The following ROBO2 variants were observed in gnomAD, a reference collection of about 807,000 sequenced individuals.
ROBO2 encodes the protein roundabout homolog 2.
In ROBO2, 53 loss-of-function variants were observed where a neutral mutation model predicts 160.8. That is an observed-to-expected ratio of 0.33 (90% CI 0.26 to 0.41). ROBO2 has a LOEUF of 0.41. Ranked by LOEUF, ROBO2 falls within the 10% of genes least tolerant of loss-of-function variation. The pLI, the probability that ROBO2 is intolerant of heterozygous loss-of-function variation, is 1.00. For missense variants in ROBO2, 1,577 were observed against 1,722.4 expected, an observed-to-expected ratio of 0.92 and a Z score of 1.49; for synonymous variants, 664 against 611.7, an observed-to-expected ratio of 1.09 and a Z score of -1.26.
chr3:77,398,634 TGTAATG>T, intron 2 of ROBO2, among the ~76,000 whole-genome samples: 1 of 152,098 alleles, frequency 6.6e-6, no homozygotes, highest in East Asian at 1.9e-4. Context: ...CTGGCTGGAG[TGTAATG>T]GCATGATCAT....
chr3:76,695,397 C>T (rs1478205916), intron 2 of ROBO2, among the ~76,000 whole-genome samples: 3 of 151,922 alleles, frequency 2.0e-5, no homozygotes, highest in Non-Finnish European at 2.9e-5. Flanking sequence ...ATTATTACTA[C>T]CTTTGAAATT....
intron 2 of ROBO2, among the ~76,000 whole-genome samples, chr3:76,160,849 C>T (rs1053929821): frequency 2.0e-5 from 3 of 152,162 alleles, no homozygotes; most frequent in African/African-American, 7.2e-5. Flanking sequence ...AGAGATTTCT[C>T]GTGAAATTCA....
chr3:76,072,806 C>T (rs1053794132), intron 2 of ROBO2, among the ~76,000 whole-genome samples: 4 of 152,150 alleles, frequency 2.6e-5, no homozygotes, highest in African/African-American at 4.8e-5. Flanking sequence ...CACGAAACCC[C>T]AGTGCAGGAA....
intron 2 of ROBO2, among the ~76,000 whole-genome samples, chr3:76,167,685 T>A (rs2072888797): frequency 6.6e-6 from 1 of 152,232 alleles, no homozygotes; most frequent in South Asian, 2.1e-4. Context: ...TCTTCTCCTT[T>A]TATTATAGTA....
intron 2 of ROBO2, among the ~76,000 whole-genome samples, chr3:76,614,516 T>C (rs1349703578): frequency 1.3e-5 from 2 of 152,126 alleles, no homozygotes; most frequent in East Asian, 3.8e-4. Context: ...TTTTTTTTAA[T>C]TTTTATGAAC....
intron 1 of ROBO2, among the ~76,000 whole-genome samples, chr3:77,091,251 C>T (rs1436715288): frequency 2.0e-5 from 3 of 152,116 alleles, no homozygotes; most frequent in African/African-American, 7.2e-5. Context: ...CATTTTCCTC[C>T]TTTATTATAC....
At chr3:76,918,203 C>T (rs1156814101) in intron 2 of ROBO2, among the ~76,000 whole-genome samples, 1 of 152,204 alleles carries the variant, frequency 6.6e-6, no homozygotes, top group Non-Finnish European at 1.5e-5. Context: ...GGTGGGACCA[C>T]GTGCCGGTCA....
chr3:76,833,323 A>C (rs1197007921), intron 2 of ROBO2, among the ~76,000 whole-genome samples: 1 of 152,188 alleles, frequency 6.6e-6, no homozygotes, highest in Non-Finnish European at 1.5e-5. Flanking sequence ...TGGTGGCATC[A>C]CATGCGTAGC....
At chr3:77,357,995 A>T (rs28489786) in intron 2 of ROBO2, among the ~76,000 whole-genome samples, 12 of 152,094 alleles carry the variant, frequency 7.9e-5, no homozygotes, top group Middle Eastern at 3.4e-3. Context: ...CTTCTCAGGA[A>T]GATCCTGTTT....
chr3:77,086,992 A>G (rs2069410703), intron 1 of ROBO2, among the ~76,000 whole-genome samples: 1 of 152,186 alleles, frequency 6.6e-6, no homozygotes, highest in Non-Finnish European at 1.5e-5. Context: ...TATTTAACAA[A>G]GCTTAGCACA....
intron 2 of ROBO2, among the ~76,000 whole-genome samples, chr3:76,873,788 A>G (rs1402955578): frequency 3.3e-5 from 5 of 152,134 alleles, no homozygotes; most frequent in Non-Finnish European, 5.9e-5. Flanking sequence ...AAATTTGCTC[A>G]TTTGACAGAA....
intron 2 of ROBO2, among the ~76,000 whole-genome samples, chr3:77,231,363 C>CAAAAAAAA: frequency 1.7e-5 from 1 of 59,654 alleles, no homozygotes; most frequent in Non-Finnish European, 3.0e-5. Context: ...AGACTCCATC[C>CAAAAAAAA]AAAAAAAAAA....
At chr3:76,872,144 T>G (rs2072167683) in intron 2 of ROBO2, among the ~76,000 whole-genome samples, 1 of 152,166 alleles carries the variant, frequency 6.6e-6, no homozygotes, top group African/African-American at 2.4e-5. Context: ...AACCCCAAAA[T>G]AGTAATTATC....
chr3:76,752,887 G>A lies in ROBO2; in HGVS notation c.110-345127G>A, dbSNP rs1312284421. On this transcript the variant is annotated intron_variant, in intron 2 of 26. Transcript: ENST00000487694. ...TCTAAGTAGCATATGAGAGGATTGT[G>A]ATTACACAGAACATATTTTGCAAAA... Among the ~76,000 whole-genome samples, 10 of 151,760 alleles carry A rather than the reference G, an allele frequency of 6.6e-5. No homozygotes were observed. In the Admixed American group the frequency reaches 6.6e-4, roughly 10 times the overall value.
chr3:77,595,667 C>T (rs1364806769), intron 18 of ROBO2, among the ~76,000 whole-genome samples: 1 of 152,162 alleles, frequency 6.6e-6, no homozygotes, highest in East Asian at 1.9e-4. Context: ...CATATATCCT[C>T]ATCTATTTTC....
At chr3:76,250,667 T>A (rs1705937064) in intron 2 of ROBO2, among the ~76,000 whole-genome samples, 1 of 152,064 alleles carries the variant, frequency 6.6e-6, no homozygotes, top group Non-Finnish European at 1.5e-5. Context: ...GCTCTGAGAA[T>A]AAAATCTGTT....
intron 2 of ROBO2, among the ~76,000 whole-genome samples, chr3:76,010,272 G>A (rs977095710): frequency 1.3e-5 from 2 of 152,178 alleles, no homozygotes; most frequent in Admixed American, 6.5e-5. Flanking sequence ...AGACAATGAC[G>A]GGACCAGAAT....
chr3:77,356,361 CAGAA>C (rs544316958), intron 2 of ROBO2, among the ~76,000 whole-genome samples: 40 of 151,672 alleles, frequency 2.6e-4, no homozygotes, highest in Non-Finnish European at 4.4e-4. Flanking sequence ...AAGAGAGAGA[CAGAA>C]AGAAAGAAGG....
intron 2 of ROBO2, among the ~76,000 whole-genome samples, chr3:76,460,485 A>T (rs746095980): frequency 8.5e-5 from 13 of 152,118 alleles, no homozygotes; most frequent in Non-Finnish European, 1.9e-4. Context: ...GAATAGCTTT[A>T]CCTCTGGCTC....
Sources: gnomAD v4.1 joint callset for allele counts (sites outside exome capture counted in the v4.1 genomes callset) on GRCh38, gnomAD v4.1.1 for gene constraint, MANE v1.5 for transcripts, NCBI Gene and HGNC (gene_info 2026-07-23, HGNC 2026-07-21) for gene names.